Variants in PHF2 observed in about 807,000 individuals in gnomAD.
PHF2 encodes the protein PHD finger protein 2, also known as lysine-specific demethylase PHF2.
A neutral mutation model predicts 120.5 loss-of-function variants in PHF2; 27 were observed. The ratio of observed to expected loss-of-function variants is 0.22; its 90% CI spans 0.17 to 0.31. The LOEUF is 0.31. PHF2 is among the 10% of genes least tolerant of loss of function. The probability of loss-of-function intolerance (pLI) is 1.00; values close to 1 mark genes in which losing one functional copy is unlikely to be tolerated. For synonymous variants in PHF2, 568 were observed against 592.5 expected (o/e 0.96, Z 0.60); for missense variants, 1,024 against 1,434.8 (o/e 0.71, Z 4.63).
At position 93,649,382 on chromosome 9, in the gene PHF2, T is replaced by C. The variant is rs200008537; in HGVS notation, c.602+170T>C. ...CTCTTTTAAATTTTTTCCTTTTTTT[T>C]TTTTTTTTTTTTTTTTATAAGACTG... On this transcript the variant is annotated intron_variant, in intron 5 of 21. Transcript: ENST00000359246. Among the ~76,000 whole-genome samples, 340 of 100,402 alleles carry C rather than the reference T, an allele frequency of 3.4e-3. 3 individuals are homozygous for C. Among genetic ancestry groups the C allele is most frequent in the African/African-American group, 0.012 (308 of 25,972 alleles). 65.9% of individuals were successfully genotyped at this position (100,402 alleles called of 152,430 possible).
intron 1 of PHF2, among the ~76,000 whole-genome samples, chr9:93,618,851 T>TGC: frequency 7.1e-6 from 1 of 140,288 alleles, no homozygotes; most frequent in East Asian, 2.1e-4. Flanking sequence ...TGTGTGTGCC[T>TGC]GTGTGTGGTG....
Position 93,636,440 on chromosome 9 carries a change from G to T in PHF2, c.214G>T (p.Gly72Cys), listed in dbSNP as rs373915273. ...LKKKRTWHKH[G>C]PGQAPDVKPV... ...GAAGAAGCGGACCTGGCACAAACAC[G>T]GCCCGGGGCAAGCGCCTGACGTCAA... The change falls in exon 3 of 22, where the codon GGC becomes TGC. Residue 72 changes from glycine to cysteine, a missense_variant. This residue lies in a region of PHF2 where 347 missense variants were observed against 577.4 expected (regional missense o/e 0.60). Transcript: ENST00000359246. The T allele has an allele frequency of 1.1e-4, 181 of 1,609,958 alleles. No individual in the cohort carries two copies. The highest frequency in any genetic ancestry group is 1.5e-4 in the Non-Finnish European group (171 of 1,178,384).
At position 93,660,242 on chromosome 9, in the gene PHF2, TGAG is replaced by T. The variant is rs1217469641; in HGVS notation, c.1382_1384del (p.Glu461del). On this transcript the variant is annotated inframe_deletion, in exon 12 of 22. Coordinates refer to ENST00000359246, the MANE Select transcript of PHF2 (RefSeq NM_005392.4). ...AAGTGAATACTGTCGCCTCGTCAGATGAGGTGTGTGACGGGGACCGGGAGAAGG... is the reference window on the plus strand; with the variant it reads ...AAGTGAATACTGTCGCCTCGTCAGATGTGTGTGACGGGGACCGGGAGAAGG... The T allele has an allele frequency of 2.5e-6, 4 of 1,601,010 alleles. No individual in the cohort carries two copies. The highest frequency in any genetic ancestry group is 3.4e-6 in the Non-Finnish European group (4 of 1,176,032).
chr9:93,676,627 A>G lies in PHF2; in HGVS notation c.2866A>G (p.Lys956Glu), dbSNP rs1826916430. The G allele has an allele frequency of 6.2e-7, 1 of 1,606,802 alleles. No individual in the cohort carries two copies. The highest frequency in any genetic ancestry group is 1.3e-5 in the African/African-American group (1 of 74,864). ...EQKSKKKKSA[K>E]RKLTPNTTSP... The stretch of plus-strand genomic sequence containing the variant: ...GAAAAGCAAGAAAAAAAAGAGTGCC[A>G]AGAGGAAGCTGACTCCTAACACCAC... The change falls in exon 21 of 22, where the codon AAG becomes GAG. Residue 956 changes from lysine to glutamate, a missense_variant. By Grantham distance (56) the Lys-to-Glu change is moderately conservative. Transcript: ENST00000359246.
intron 3 of PHF2, among the ~76,000 whole-genome samples, chr9:93,639,106 C>T (rs1213166628): frequency 2.6e-5 from 4 of 152,178 alleles, no homozygotes; most frequent in Non-Finnish European, 5.9e-5. Flanking sequence ...TCAGTTTTTA[C>T]AAGGAAGTCA....
intron 3 of PHF2, among the ~76,000 whole-genome samples, chr9:93,638,001 T>A (rs1424188382): frequency 6.6e-6 from 1 of 152,232 alleles, no homozygotes; most frequent in Admixed American, 6.5e-5. Flanking sequence ...ACTGGTATCT[T>A]ATTTTTTGAT....
chr9:93,624,691 T>TGGC (rs1013611243), intron 1 of PHF2, among the ~76,000 whole-genome samples: 4 of 149,544 alleles, frequency 2.7e-5, no homozygotes, highest in African/African-American at 9.9e-5. Context: ...ATGATGGTGG[T>TGGC]GGCGATGGTG....
chr9:93,669,202 C>G (rs1381703942), intron 17 of PHF2, among the ~76,000 whole-genome samples: 1 of 152,246 alleles, frequency 6.6e-6, no homozygotes, highest in Non-Finnish European at 1.5e-5. Context: ...ACCCCCCAGC[C>G]CCCCGTGGCT....
At chr9:93,622,437 G>A (rs757597970) in intron 1 of PHF2, among the ~76,000 whole-genome samples, 10 of 152,186 alleles carry the variant, frequency 6.6e-5, no homozygotes, top group Non-Finnish European at 1.5e-5. Context: ...AGCTGTGGAT[G>A]GGGAGACTGT....
At chr9:93,653,719 C>A (rs1343633898) in intron 6 of PHF2, among the ~76,000 whole-genome samples, 1 of 152,130 alleles carries the variant, frequency 6.6e-6, no homozygotes, top group East Asian at 1.9e-4. Context: ...AGCCAGGGGG[C>A]AGGAGAGGGG....
chr9:93,649,875 TGTC>T (rs1259928738), intron 5 of PHF2, among the ~76,000 whole-genome samples: 3 of 151,736 alleles, frequency 2.0e-5, no homozygotes, highest in Non-Finnish European at 2.9e-5. Flanking sequence ...TGGACACACT[TGTC>T]AACACACTCG....
intron 1 of PHF2, among the ~76,000 whole-genome samples, chr9:93,607,439 A>ATTTTT (rs36083667): frequency 9.9e-6 from 1 of 100,550 alleles, no homozygotes; most frequent in Non-Finnish European, 1.9e-5. Context: ...TGCCTGGCTA[A>ATTTTT]TTTTTTTTTT....
intron 7 of PHF2, among the ~76,000 whole-genome samples, chr9:93,655,554 ACTGGGG>A (rs1462707072): frequency 6.6e-6 from 1 of 152,148 alleles, no homozygotes; most frequent in African/African-American, 2.4e-5. Flanking sequence ...CTGGACACAG[ACTGGGG>A]CTTCCTCTCT....
At chr9:93,592,306 A>G (rs1825242580) in intron 1 of PHF2, among the ~76,000 whole-genome samples, 1 of 152,072 alleles carries the variant, frequency 6.6e-6, no homozygotes, top group Non-Finnish European at 1.5e-5. Flanking sequence ...CAGCGGGGTG[A>G]TCCCAGGCAG....
intron 1 of PHF2, among the ~76,000 whole-genome samples, chr9:93,622,503 G>T (rs893670031): frequency 2.6e-5 from 4 of 152,136 alleles, no homozygotes; most frequent in African/African-American, 9.7e-5. Flanking sequence ...AGGGGAGGAG[G>T]GTTGAGTCAG....
In PHF2 at chr9:93,677,230, G is replaced by C. The variant is rs1440468308; in HGVS notation, c.3202+267G>C. On this transcript the variant is annotated intron_variant, in intron 21 of 21. Coordinates refer to ENST00000359246, the MANE Select transcript of PHF2 (RefSeq NM_005392.4). This position sits in a 1 kb window ranked among gnomAD's most constrained non-coding sequence, Gnocchi z 4.4. Reference sequence around the variant, plus strand: ...CCCCTGCACCCCAGCCGTGGGGCCGGCCAGCTGTGGGGACTGAGTGATGCA... The same window carrying C: ...CCCCTGCACCCCAGCCGTGGGGCCGCCCAGCTGTGGGGACTGAGTGATGCA... 1.3e-5 allele frequency among the ~76,000 whole-genome samples: 2 copies of C among 151,398 alleles called. No homozygotes were observed. Among genetic ancestry groups the C allele is most frequent in the Non-Finnish European group, 2.9e-5 (2 of 67,932 alleles).
intron 1 of PHF2, among the ~76,000 whole-genome samples, chr9:93,618,137 G>A (rs563743092): frequency 6.6e-6 from 1 of 152,194 alleles, no homozygotes; most frequent in Non-Finnish European, 1.5e-5. Context: ...AACTTCTTTG[G>A]AGTTGACTCA....
chr9:93,668,434 C>G (rs1826721570), intron 17 of PHF2, among the ~76,000 whole-genome samples: 2 of 152,112 alleles, frequency 1.3e-5, no homozygotes, highest in Non-Finnish European at 2.9e-5. Context: ...AGTGACTGGC[C>G]TCAGGGGCAG....
Position 93,679,134 on chromosome 9 carries a change from T to G in PHF2, c.*1458T>G. ...GCTGTAATTTATTAATGTTTGTAGC[T>G]TTTTATATTTGTACATTTCTTATGA... On this transcript the variant is annotated 3_prime_UTR_variant, in exon 22 of 22. Coordinates refer to ENST00000359246, the MANE Select transcript of PHF2 (RefSeq NM_005392.4). 1 of 413,542 alleles carries G rather than the reference T, an allele frequency of 2.4e-6. No homozygotes were observed. The highest frequency in any genetic ancestry group is 4.7e-6 in the Non-Finnish European group (1 of 212,294). 25.6% of individuals were successfully genotyped at this position (413,542 alleles called of 1,614,324 possible). A position where few individuals can be genotyped will look rare whatever the true frequency, so the allele number is the denominator to read the frequency against.
Sources: allele counts gnomAD v4.1 joint callset (sites outside exome capture counted in the v4.1 genomes callset), GRCh38; gene constraint gnomAD v4.1.1; regional missense constraint gnomAD v4.1.1; non-coding constraint Gnocchi (gnomAD v3.1); transcripts MANE v1.5; gene names NCBI Gene and HGNC (gene_info 2026-07-23, HGNC 2026-07-21).